The following FNDC5 variants were observed in gnomAD, a reference collection of about 807,000 sequenced individuals.
The protein encoded by FNDC5 is fibronectin type III domain-containing protein 5.
A neutral mutation model predicts 24.6 loss-of-function variants in FNDC5; 10 were observed. That is an observed-to-expected ratio of 0.41 (90% CI 0.25 to 0.69). The LOEUF (loss-of-function observed/expected upper bound fraction) is 0.69. Among genes scored for constraint, FNDC5 ranks in the 30% least tolerant of loss-of-function variants. The probability of loss-of-function intolerance (pLI) is 0.34; values close to 1 mark genes in which losing one functional copy is unlikely to be tolerated. For synonymous variants in FNDC5, 90 were observed against 110.7 expected (o/e 0.81, Z 1.18); for missense variants, 226 against 282.9 (o/e 0.80, Z 1.44).
chr1:32,864,075 T>G lies in FNDC5; in HGVS notation c.*219A>C, dbSNP rs1489174809. On this transcript the variant is annotated 3_prime_UTR_variant, in exon 6 of 6. Coordinates refer to ENST00000373471, the MANE Select transcript of FNDC5 (RefSeq NM_153756.3). ...TCCCTCTGAGTGCAGCCTCAGCCAC[T>G]GACATTGTTGAGGTGCTTCTGGAGA... The G allele has an allele frequency of 2.0e-6, 3 of 1,473,146 alleles. No homozygotes were observed. Among genetic ancestry groups the G allele is most frequent in the Non-Finnish European group, 2.7e-6 (3 of 1,113,100 alleles). 91.3% of individuals were successfully genotyped at this position (1,473,146 alleles called of 1,614,324 possible). A position where few individuals can be genotyped will look rare whatever the true frequency, so the allele number is the denominator to read the frequency against.
At chr1:32,869,750 G>A (rs1477676664) in intron 1 of FNDC5, among the ~76,000 whole-genome samples, 1 of 152,068 alleles carries the variant, frequency 6.6e-6, no homozygotes, top group African/African-American at 2.4e-5. Context: ...AGAGTGATAG[G>A]GATAGTGGGG....
chr1:32,867,628 T>G, intron 4 of FNDC5, 125 bp downstream of exon 4: 1 of 845,544 alleles, frequency 1.2e-6, no homozygotes, highest in Non-Finnish European at 1.8e-6. Context: ...TGGCAGGACT[T>G]GGAGACTTTT....
In FNDC5 at chr1:32,863,666, C is replaced by T; in HGVS notation, c.*628G>A. 3 of 1,286,308 alleles carry T rather than the reference C, an allele frequency of 2.3e-6. No individual in the cohort carries two copies. Among genetic ancestry groups the T allele is most frequent in the South Asian group, 1.2e-5 (1 of 80,648 alleles). The allele number at this position is 1,286,308 out of a possible 1,614,324, so 79.7% of individuals were successfully genotyped here. On this transcript the variant is annotated 3_prime_UTR_variant, in exon 6 of 6. Transcript: ENST00000373471. ...CTCCTCCCCACTGCTGCAGTTGTCC[C>T]TCTCCCTGTGCCCGTGGGCCTGGGG...
In FNDC5 at chr1:32,863,792, TGA is replaced by T. The variant is rs761173102; in HGVS notation, c.*500_*501del. 123 of 1,304,318 alleles carry T rather than the reference TGA, an allele frequency of 9.4e-5. No individual in the cohort carries two copies. The highest frequency in any genetic ancestry group is 1.2e-4 in the Non-Finnish European group (121 of 989,098). 80.8% of individuals were successfully genotyped at this position (1,304,318 alleles called of 1,614,324 possible). A position where few individuals can be genotyped will look rare whatever the true frequency, so the allele number is the denominator to read the frequency against. ...TGTTTGGAAACTGGGAGGAAAAAAATGAGAGAAGCAGCCAGGCCTAATTGTGA... is the reference window on the plus strand; with the variant it reads ...TGTTTGGAAACTGGGAGGAAAAAAATGAGAAGCAGCCAGGCCTAATTGTGA... On this transcript the variant is annotated 3_prime_UTR_variant, in exon 6 of 6. Coordinates refer to ENST00000373471, the MANE Select transcript of FNDC5 (RefSeq NM_153756.3).
upstream of FNDC5, among the ~76,000 whole-genome samples, chr1:32,872,185 T>C (rs992682580): frequency 3.3e-5 from 5 of 152,160 alleles, no homozygotes; most frequent in African/African-American, 9.7e-5. Context: ...AGAGGAGCGA[T>C]AGACAACCCT....
At chr1:32,871,544 T>G (rs1641184598), upstream of FNDC5, among the ~76,000 whole-genome samples, 1 of 152,356 alleles carries the variant, frequency 6.6e-6, no homozygotes, top group South Asian at 2.1e-4. Context: ...TGCTGAGCTT[T>G]CTTTGCATTA....
At position 32,870,077 on chromosome 1, in the gene FNDC5, C is replaced by T. The variant is rs151028993; in HGVS notation, c.94+576G>A. Among the ~76,000 whole-genome samples, 1,162 of 152,186 alleles carry T rather than the reference C, an allele frequency of 7.6e-3. 14 individuals are homozygous for T. The highest frequency in any genetic ancestry group is 0.026 in the African/African-American group (1,078 of 41,540). The stretch of plus-strand genomic sequence containing the variant: ...ACGGAGGGAGAGATGAGCCGGGCAG[C>T]GGCAGCCAGGAGGGACAAAGACAGA... On this transcript the variant is annotated intron_variant, in intron 1 of 5. Transcript: ENST00000373471.
intron 5 of FNDC5, 138 bp from the exon 6 acceptor site, chr1:32,864,437 A>T: frequency 2.7e-6 from 4 of 1,462,420 alleles, no homozygotes; most frequent in Non-Finnish European, 3.6e-6. Context: ...CTCCCCACTC[A>T]CTGCTTTTTT....
rs1208503648 is a variant in FNDC5, at chr1:32,864,656, G to A, written c.633+8C>T. ...GGTGGCCCACCCAGGCCCAGGTCTTGCCCTCACCTTGCTGCGGAGAAGCCC... is the reference window on the plus strand; with the variant it reads ...GGTGGCCCACCCAGGCCCAGGTCTTACCCTCACCTTGCTGCGGAGAAGCCC... On this transcript the variant is annotated splice_region_variant and intron_variant, in intron 5 of 5. Transcript: ENST00000373471. 1.9e-6 allele frequency: 3 copies of A among 1,613,900 alleles called. No individual in the cohort carries two copies. Among genetic ancestry groups the A allele is most frequent in the Non-Finnish European group, 1.7e-6 (2 of 1,180,038 alleles).
Position 32,862,667 on chromosome 1 carries a change from C to A in FNDC5, c.*1627G>T, listed in dbSNP as rs911905051. The A allele has an allele frequency of 2.6e-5, 4 of 152,702 alleles. No homozygotes were observed. The highest frequency in any genetic ancestry group is 9.7e-5 in the African/African-American group (4 of 41,448). 9.5% of individuals were successfully genotyped at this position (152,702 alleles called of 1,614,324 possible). ...GCTTGCACTAGGTGTGGTTCTCCCACACCCATCCTTGACCACCAATGGAAG... is the reference window on the plus strand; with the variant it reads ...GCTTGCACTAGGTGTGGTTCTCCCAAACCCATCCTTGACCACCAATGGAAG... On this transcript the variant is annotated 3_prime_UTR_variant, in exon 6 of 6. Transcript: ENST00000373471.
Position 32,868,746 on chromosome 1 carries a change from A to C in FNDC5, c.210+136T>G. 1 of 610,942 alleles carries C rather than the reference A, an allele frequency of 1.6e-6. No individual in the cohort carries two copies. The highest frequency in any genetic ancestry group is 2.5e-6 in the Non-Finnish European group (1 of 401,246). The allele number at this position is 610,942 out of a possible 1,614,324, so 37.8% of individuals were successfully genotyped here. A position where few individuals can be genotyped will look rare whatever the true frequency, so the allele number is the denominator to read the frequency against. ...GCCCCAATTTTCAGACATATGTCCA[A>C]ATTGCTGTTCATCTCCCTTGCCCCA... On this transcript the variant is annotated intron_variant, in intron 2 of 5. Transcript: ENST00000373471. The surrounding 1 kb of genome is among the most constrained non-coding windows in gnomAD (Gnocchi z 4.8).
In FNDC5 at chr1:32,864,069, A is replaced by T. The variant is rs943754625; in HGVS notation, c.*225T>A. 17 of 1,464,736 alleles carry T rather than the reference A, an allele frequency of 1.2e-5. No individual in the cohort carries two copies. In the African/African-American group the frequency reaches 2.4e-4, roughly 21 times the overall value. 90.7% of individuals were successfully genotyped at this position (1,464,736 alleles called of 1,614,324 possible). ...CAGTCATCCCTCTGAGTGCAGCCTC[A>T]GCCACTGACATTGTTGAGGTGCTTC... On this transcript the variant is annotated 3_prime_UTR_variant, in exon 6 of 6. Transcript: ENST00000373471.
intron 1 of FNDC5, among the ~76,000 whole-genome samples, chr1:32,870,107 C>T (rs1003407768): frequency 2.6e-5 from 4 of 152,130 alleles, no homozygotes; most frequent in Admixed American, 6.5e-5. Flanking sequence ...GACAGAGTGG[C>T]AGGAGAGGCT....
rs1641113664 is a variant in FNDC5, at chr1:32,868,351, A to T, written c.248T>A (p.Val83Glu). The T allele has an allele frequency of 6.2e-7, 1 of 1,613,898 alleles. No homozygotes were observed. Among genetic ancestry groups the T allele is most frequent in the African/African-American group, 1.3e-5 (1 of 74,938 alleles). ...GGCACATGAGCGGGTGGTGGTGTTCACCTCCTGGATGAAGCGCAGCATCCG... is the reference window on the plus strand; with the variant it reads ...GGCACATGAGCGGGTGGTGGTGTTCTCCTCCTGGATGAAGCGCAGCATCCG... Residue 83 changes from valine (V) to glutamate (E), a missense_variant, in exon 3 of 6, where the codon GTG (valine) becomes GAG (glutamate). Coordinates refer to ENST00000373471, the MANE Select transcript of FNDC5 (RefSeq NM_153756.3). The surrounding 1 kb of genome is among the most constrained non-coding windows in gnomAD (Gnocchi z 4.8).
rs1397710505 is a variant in FNDC5 at position 32,864,106 on chromosome 1, G to T, written c.*188C>A. ...TGTTGAGGTGCTTCTGGAGATGGGA[G>T]TTAATAAGAGGCTTCAGGAAAGTGC... On this transcript the variant is annotated 3_prime_UTR_variant, in exon 6 of 6. Coordinates refer to ENST00000373471, the MANE Select transcript of FNDC5 (RefSeq NM_153756.3). The T allele has an allele frequency of 2.0e-6, 3 of 1,508,810 alleles. No individual in the cohort carries two copies. The highest frequency in any genetic ancestry group is 2.7e-6 in the Non-Finnish European group (3 of 1,130,232). 93.5% of individuals were successfully genotyped at this position (1,508,810 alleles called of 1,614,324 possible). A position where few individuals can be genotyped will look rare whatever the true frequency, so the allele number is the denominator to read the frequency against.
At chr1:32,870,928 T>TGGCGGC (rs1293678463), upstream of FNDC5, 1 of 146,354 alleles carries the variant, frequency 6.8e-6, no homozygotes, top group East Asian at 2.1e-4. Context: ...GCGGCGGCGG[T>TGGCGGC]GGCGGCGGCC....
At chr1:32,867,283 T>A (rs1480590547) in intron 4 of FNDC5, among the ~76,000 whole-genome samples, 2 of 151,890 alleles carry the variant, frequency 1.3e-5, no homozygotes, top group African/African-American at 4.8e-5. Context: ...ATGGATGGAT[T>A]GAGGGAGTTT....
At position 32,864,926 on chromosome 1, in the gene FNDC5, T is replaced by G; in HGVS notation, c.500-129A>C. 4 of 1,365,090 alleles carry G rather than the reference T, an allele frequency of 2.9e-6. No homozygotes were observed. In the South Asian group the frequency reaches 5.8e-5, roughly 20 times the overall value. 84.6% of individuals were successfully genotyped at this position (1,365,090 alleles called of 1,614,324 possible). The stretch of plus-strand genomic sequence containing the variant: ...ACCTGTACTACTGCAGCACCCTCCC[T>G]CTGCCCTCTGGCTCCTGTTTTCACC... On this transcript the variant is annotated intron_variant, in intron 4 of 5. Transcript: ENST00000373471.
In FNDC5 at chr1:32,868,404, G is replaced by A. The variant is rs1190051859; in HGVS notation, c.211-16C>T. The stretch of plus-strand genomic sequence containing the variant: ...CATCCTTCTTCTGCAGACAAGCGCC[G>A]GTCACTGCTGTCAACACTCGGTGAC... On this transcript the variant is annotated splice_polypyrimidine_tract_variant and intron_variant, in intron 2 of 5. Coordinates refer to ENST00000373471, the MANE Select transcript of FNDC5 (RefSeq NM_153756.3). This position sits in a 1 kb window ranked among gnomAD's most constrained non-coding sequence, Gnocchi z 4.8. The A allele has an allele frequency of 3.7e-6, 6 of 1,609,742 alleles. No individual in the cohort carries two copies. Among genetic ancestry groups the A allele is most frequent in the African/African-American group, 2.7e-5 (2 of 74,818 alleles).
Sources: gnomAD v4.1 joint callset for allele counts (sites outside exome capture counted in the v4.1 genomes callset) on GRCh38, gnomAD v4.1.1 for gene constraint, Gnocchi (gnomAD v3.1) non-coding constraint, MANE v1.5 for transcripts, NCBI Gene and HGNC (gene_info 2026-07-23, HGNC 2026-07-21) for gene names.